Variants in DDX43 observed in about 807,000 individuals in gnomAD.
DDX43 encodes probable ATP-dependent RNA helicase DDX43.
In DDX43, 50 loss-of-function variants were observed where a neutral mutation model predicts 84.9. That is an observed-to-expected ratio of 0.59 (90% CI 0.47 to 0.75). The LOEUF (loss-of-function observed/expected upper bound fraction) is 0.75. Ranked by LOEUF, DDX43 falls within the 30% of genes least tolerant of loss-of-function variation. DDX43 has a pLI of 0.00. For synonymous variants in DDX43, 291 were observed against 266.3 expected (o/e 1.09, Z -0.90); for missense variants, 689 against 798.6 (o/e 0.86, Z 1.65).
chr6:73,409,164 T>C (rs1161080159), intron 9 of DDX43, 84 bp from the exon 10 acceptor site: 14 of 1,009,114 alleles, frequency 1.4e-5, no homozygotes, highest in African/African-American at 3.2e-5. Context: ...AAGCCTTTCT[T>C]AGTGTTCTAC....
Position 73,417,456 on chromosome 6 carries a change from T to G in DDX43, c.*295T>G, listed in dbSNP as rs1769925352. Reference sequence around the variant, plus strand: ...TGCTGTATGTCATAAGGCCAGTCTTTCAGAATTTAATGTTCAGATTTTGTC... The same window carrying G: ...TGCTGTATGTCATAAGGCCAGTCTTGCAGAATTTAATGTTCAGATTTTGTC... On this transcript the variant is annotated 3_prime_UTR_variant, in exon 17 of 17. Transcript: ENST00000370336. 1 of 152,196 alleles carries G rather than the reference T, an allele frequency of 6.6e-6. No homozygotes were observed. Among genetic ancestry groups the G allele is most frequent in the South Asian group, 2.1e-4 (1 of 4,828 alleles). 9.4% of individuals were successfully genotyped at this position (152,196 alleles called of 1,614,324 possible). A position where few individuals can be genotyped will look rare whatever the true frequency, so the allele number is the denominator to read the frequency against.
At chr6:73,411,456 G>A (rs1769783630) in intron 10 of DDX43, among the ~76,000 whole-genome samples, 1 of 151,118 alleles carries the variant, frequency 6.6e-6, no homozygotes, top group Non-Finnish European at 1.5e-5. Flanking sequence ...AGCCTCCCGA[G>A]TAGCTGGGAT....
Position 73,397,626 on chromosome 6 carries a change from G to C in DDX43, c.251-63G>C, listed in dbSNP as rs1300231451. ...CTAGAGAATGTTTGTTGAGGAAAAT[G>C]GGTAAATTTTCAACTTACTAATTTC... is the stretch of plus-strand genomic sequence containing the variant. On this transcript the variant is annotated intron_variant, in intron 1 of 16. Coordinates refer to ENST00000370336, the MANE Select transcript of DDX43 (RefSeq NM_018665.3). 5 of 1,299,350 alleles carry C rather than the reference G, an allele frequency of 3.8e-6. No individual in the cohort carries two copies. In the South Asian group the frequency reaches 6.1e-5, roughly 16 times the overall value. 80.5% of individuals were successfully genotyped at this position (1,299,350 alleles called of 1,614,324 possible). A position where few individuals can be genotyped will look rare whatever the true frequency, so the allele number is the denominator to read the frequency against.
chr6:73,417,160 A>G (rs1359686097), intron 16 of DDX43, 27 bp from the exon 17 acceptor site: 2 of 152,200 alleles, frequency 1.3e-5, no homozygotes, highest in African/African-American at 2.4e-5. Context: ...TGGGGTCAGC[A>G]ATTTACATTT....
intron 10 of DDX43, 108 bp from the exon 11 acceptor site, chr6:73,412,097 A>G (rs1769794339): frequency 1.2e-6 from 1 of 860,362 alleles, no homozygotes; most frequent in Non-Finnish European, 1.8e-6. Context: ...TATTGAAAAA[A>G]TAAGTACTAA....
In DDX43 at chr6:73,406,425, C is replaced by T; in HGVS notation, c.869C>T (p.Thr290Ile). 1.2e-6 allele frequency: 2 copies of T among 1,613,714 alleles called. No individual in the cohort carries two copies. The highest frequency in any genetic ancestry group is 8.5e-7 in the Non-Finnish European group (1 of 1,179,714). Residue 290 changes from threonine (T) to isoleucine (I), a missense_variant, in exon 7 of 17, where the codon ACA becomes ATA. Thr to Ile is a moderately conservative substitution (Grantham distance 89). This residue lies in a region of DDX43 where 552 missense variants were observed against 692.7 expected (regional missense o/e 0.80). Coordinates refer to ENST00000370336, the MANE Select transcript of DDX43 (RefSeq NM_018665.3). ...CTTATAGGAGTAGCCCAGACTGGAA[C>T]AGGAAAGACATTGTGTTATTTAATG... is the stretch of plus-strand genomic sequence containing the variant. ...IDLIGVAQTG[T>I]GKTLCYLMPG...
rs148725839 is a variant in DDX43 at position 73,403,645 on chromosome 6, C to A, written c.569-1045C>A. The stretch of plus-strand genomic sequence containing the variant: ...GTTTGATGTCTTACAAAGCATGCTT[C>A]ATTTTAATTTTTATTAAATTTTTTT... On this transcript the variant is annotated intron_variant, in intron 4 of 16. Coordinates refer to ENST00000370336, the MANE Select transcript of DDX43 (RefSeq NM_018665.3). Among the ~76,000 whole-genome samples the A allele has an allele frequency of 5.0e-3, 756 of 152,164 alleles. 9 individuals are homozygous for A. The highest frequency in any genetic ancestry group is 0.017 in the African/African-American group (720 of 41,528).
At position 73,407,972 on chromosome 6, in the gene DDX43, T is replaced by A. The variant is rs757925484; in HGVS notation, c.1050T>A (p.Tyr350Ter). Reference protein sequence around the residue: ...SYKGLRSVCVYGGGNRDEQIE... With the variant: ...SYKGLRSVCV ...TTTTCTTTTTAAGTGTTTGTGTATA[T>A]GGTGGTGGAAATAGAGATGAACAAA... is the stretch of plus-strand genomic sequence containing the variant. Residue 350 changes from tyrosine (Y) to a stop codon, truncating the protein, a stop_gained, in exon 9 of 17, where the codon TAT becomes TAA. Coordinates refer to ENST00000370336, the MANE Select transcript of DDX43 (RefSeq NM_018665.3). LOFTEE classifies it high-confidence loss of function. 6.2e-7 allele frequency: 1 copy of A among 1,613,280 alleles called. No homozygotes were observed. The highest frequency in any genetic ancestry group is 2.2e-5 in the East Asian group (1 of 44,888).
At position 73,409,272 on chromosome 6, in the gene DDX43, T is replaced by A. The variant is rs752362331; in HGVS notation, c.1204T>A (p.Leu402Met). 6.2e-7 allele frequency: 1 copy of A among 1,614,128 alleles called. No individual in the cohort carries two copies. The highest frequency in any genetic ancestry group is 8.5e-7 in the Non-Finnish European group (1 of 1,179,990). ...GGTTTTAGATGAAGCAGACAAGATG[T>A]TGGACATGGGATTTGAACCCCAGAT... Reference protein sequence around the residue: ...YLVLDEADKMLDMGFEPQIMK... With the variant: ...YLVLDEADKMMDMGFEPQIMK... Residue 402 changes from leucine (L) to methionine (M), a missense_variant, in exon 10 of 17, where the codon TTG (leucine) becomes ATG (methionine). Transcript: ENST00000370336.
At chr6:73,406,025 C>CTTT (rs149776059) in intron 6 of DDX43, among the ~76,000 whole-genome samples, 190 bp downstream of exon 6, 1 of 135,678 alleles carries the variant, frequency 7.4e-6, no homozygotes. Flanking sequence ...AAAATATGTA[C>CTTT]TTTTTTTTTT....
At chr6:73,415,614 C>T in intron 15 of DDX43, 30 bp downstream of exon 15, 6 of 1,486,770 alleles carry the variant, frequency 4.0e-6, no homozygotes, top group Non-Finnish European at 5.6e-6. Context: ...TAGAAATCTA[C>T]CTGTTATCAG....
intron 10 of DDX43, among the ~76,000 whole-genome samples, chr6:73,410,560 C>G (rs1366194181): frequency 2.6e-5 from 4 of 152,092 alleles, no homozygotes; most frequent in African/African-American, 9.7e-5. Flanking sequence ...CATTTAAATG[C>G]AGATATTCTT....
chr6:73,412,317 T>C (rs367664666), intron 11 of DDX43, 25 bp downstream of exon 11: 206 of 1,580,926 alleles, frequency 1.3e-4, no homozygotes, highest in Non-Finnish European at 1.7e-4. Context: ...ATTACTATTG[T>C]TTAACATTTC....
chr6:73,415,801 T>C (rs1478005644), intron 15 of DDX43, among the ~76,000 whole-genome samples: 2 of 151,976 alleles, frequency 1.3e-5, no homozygotes, highest in East Asian at 1.9e-4. Flanking sequence ...GGAAGAAATA[T>C]GTAGAGTGGA....
chr6:73,410,755 G>A (rs1189164832), intron 10 of DDX43, among the ~76,000 whole-genome samples: 2 of 151,998 alleles, frequency 1.3e-5, no homozygotes, highest in African/African-American at 4.8e-5. Flanking sequence ...ACCACACCCA[G>A]CTCATTTTTG....
At position 73,413,797 on chromosome 6, in the gene DDX43, T is replaced by C. The variant is rs751530149; in HGVS notation, c.1496+12T>C. ...TCTCGAAAAGCTGTGTAGGTATTTT[T>C]TCTTGTGTGTCCATTATAATTAATT... On this transcript the variant is annotated intron_variant, in intron 12 of 16. Transcript: ENST00000370336. 1 of 1,609,506 alleles carries C rather than the reference T, an allele frequency of 6.2e-7. No homozygotes were observed. Among genetic ancestry groups the C allele is most frequent in the Non-Finnish European group, 8.5e-7 (1 of 1,178,530 alleles).
intron 15 of DDX43, 25 bp from the exon 16 acceptor site, chr6:73,416,088 A>T (rs1480886668): frequency 8.2e-7 from 1 of 1,223,194 alleles, no homozygotes; most frequent in East Asian, 2.3e-5. Flanking sequence ...CAGAATCCTA[A>T]TAACAACACG....
chr6:73,408,322 C>T (rs1422996519), intron 9 of DDX43, among the ~76,000 whole-genome samples: 1 of 151,826 alleles, frequency 6.6e-6, no homozygotes, highest in Non-Finnish European at 1.5e-5. Flanking sequence ...GTAATCCCAG[C>T]TACTCTGGAG....
intron 7 of DDX43, 126 bp downstream of exon 7, chr6:73,406,608 A>G (rs1377647334): frequency 1.6e-6 from 1 of 619,648 alleles, no homozygotes; most frequent in East Asian, 3.0e-5. Context: ...AGAAGATGCA[A>G]GGAATTAAAC....
Sources: allele counts gnomAD v4.1 joint callset (sites outside exome capture counted in the v4.1 genomes callset), GRCh38; gene constraint gnomAD v4.1.1; regional missense constraint gnomAD v4.1.1; transcripts MANE v1.5; gene names NCBI Gene and HGNC (gene_info 2026-07-23, HGNC 2026-07-21).